Variants in EIF2AK4 observed in about 807,000 individuals in gnomAD.
EIF2AK4 encodes the protein eIF-2-alpha kinase GCN2.
In EIF2AK4, 139 loss-of-function variants were observed where a neutral mutation model predicts 211.1. The ratio of observed to expected loss-of-function variants is 0.66; its 90% CI spans 0.57 to 0.76. The LOEUF is 0.76. EIF2AK4 is among the 30% of genes least tolerant of loss of function. The pLI is 0.00. For synonymous variants in EIF2AK4, 710 were observed against 751.3 expected (o/e 0.94, Z 0.90); for missense variants, 1,664 against 2,043.8 (o/e 0.81, Z 3.58).
At chr15:40,022,881 C>G (rs1001941242) in intron 32 of EIF2AK4, among the ~76,000 whole-genome samples, 1 of 152,146 alleles carries the variant, frequency 6.6e-6, no homozygotes, top group African/African-American at 2.4e-5. Flanking sequence ...CTGCAGGTGC[C>G]CGCCACCACG....
intron 13 of EIF2AK4, among the ~76,000 whole-genome samples, chr15:39,982,708 C>G (rs184017697): frequency 2.6e-5 from 4 of 152,108 alleles, no homozygotes; most frequent in Admixed American, 6.5e-5. Context: ...TCCCCACCCC[C>G]TAACAGGCAA....
rs772536844 is a variant in EIF2AK4 at position 40,003,317 on chromosome 15, G to A, written c.3357+3G>A. ...TGATGCTTCCTTTTGACCTGCGGGT[G>A]AGGCTGGGAACACACTGCTGACAAT... On this transcript the variant is annotated splice_donor_region_variant and intron_variant, in intron 23 of 38. Coordinates refer to ENST00000263791, the MANE Select transcript of EIF2AK4 (RefSeq NM_001013703.4). 5.0e-6 allele frequency: 8 copies of A among 1,614,038 alleles called. No homozygotes were observed. The Admixed American group carries it at 1.2e-4, about 24-fold the overall frequency.
At chr15:40,006,361 C>T (rs1409147759) in intron 23 of EIF2AK4, among the ~76,000 whole-genome samples, 1 of 152,020 alleles carries the variant, frequency 6.6e-6, no homozygotes, top group South Asian at 2.1e-4. Context: ...ATACTTAAAG[C>T]TGGCTTCTTA....
intron 35 of EIF2AK4, 43 bp from the exon 36 acceptor site, chr15:40,032,126 G>A (rs537683226): frequency 1.4e-6 from 2 of 1,475,500 alleles, no homozygotes; most frequent in East Asian, 2.3e-5. Context: ...AAGAAAGATG[G>A]CTTGGTTTAA....
intron 13 of EIF2AK4, among the ~76,000 whole-genome samples, chr15:39,979,355 C>A (rs2034747519): frequency 6.6e-6 from 1 of 152,156 alleles, no homozygotes; most frequent in African/African-American, 2.4e-5. Context: ...GAAAAATGCA[C>A]ATGTGATAGA....
Position 40,004,217 on chromosome 15 carries a change from T to A in EIF2AK4, c.3357+903T>A, listed in dbSNP as rs186661652. On this transcript the variant is annotated intron_variant, in intron 23 of 38. Transcript: ENST00000263791. ...AAGTTTATAATAAAACTTTAAAAAT[T>A]TTGTTGCACATTCTTTATCCTTAGA... Among the ~76,000 whole-genome samples, 541 of 152,322 alleles carry A rather than the reference T, an allele frequency of 3.6e-3. 2 individuals carry two copies. The highest frequency in any genetic ancestry group is 5.2e-3 in the Non-Finnish European group (355 of 68,030).
chr15:39,991,663 T>C (rs1021131238), intron 16 of EIF2AK4: 1 of 154,008 alleles, frequency 6.5e-6, no homozygotes, highest in African/African-American at 2.4e-5. Flanking sequence ...GACATAACAA[T>C]AGTGACTTAG....
At chr15:39,971,325 A>T (rs1241927781) in intron 9 of EIF2AK4, among the ~76,000 whole-genome samples, 1 of 152,142 alleles carries the variant, frequency 6.6e-6, no homozygotes, top group Non-Finnish European at 1.5e-5. Flanking sequence ...GGAGTTCAAG[A>T]CCAGCCTGGC....
intron 8 of EIF2AK4, among the ~76,000 whole-genome samples, chr15:39,967,108 T>G (rs368503980): frequency 6.6e-6 from 1 of 152,322 alleles, no homozygotes; most frequent in South Asian, 2.1e-4. Context: ...TTAGCTAAAT[T>G]TTTTCCATCT....
intron 15 of EIF2AK4, 41 bp from the exon 16 acceptor site, chr15:39,990,232 C>T: frequency 1.3e-6 from 2 of 1,583,280 alleles, no homozygotes; most frequent in East Asian, 2.2e-5. Context: ...TAACTTTATG[C>T]ATGGAAAACC....
At chr15:39,992,285 A>C in intron 17 of EIF2AK4, 56 bp downstream of exon 17, 1 of 1,428,964 alleles carries the variant, frequency 7.0e-7, no homozygotes. Flanking sequence ...AGAATTTCTT[A>C]ACCTGAAACC....
chr15:39,957,384 A>G (rs1356550051), intron 6 of EIF2AK4, among the ~76,000 whole-genome samples: 1 of 152,032 alleles, frequency 6.6e-6, no homozygotes, highest in Non-Finnish European at 1.5e-5. Flanking sequence ...CAGCCTGGGC[A>G]ACAAACTCCT....
chr15:39,936,457 G>A (rs1163314382), intron 1 of EIF2AK4, among the ~76,000 whole-genome samples: 1 of 152,100 alleles, frequency 6.6e-6, no homozygotes, highest in East Asian at 1.9e-4. Flanking sequence ...CTGTCGCCCG[G>A]GCTGGAGTGC....
At chr15:39,984,018 T>G (rs569839691) in intron 13 of EIF2AK4, among the ~76,000 whole-genome samples, 38 of 152,242 alleles carry the variant, frequency 2.5e-4, no homozygotes, top group Non-Finnish European at 4.9e-4. Context: ...CATCTTGAGT[T>G]AATTTTTGTA....
At chr15:39,947,181 A>C (rs2034240622) in intron 3 of EIF2AK4, among the ~76,000 whole-genome samples, 1 of 152,248 alleles carries the variant, frequency 6.6e-6, no homozygotes, top group South Asian at 2.1e-4. Flanking sequence ...ATTCATTTCC[A>C]TTAAGTCTGG....
rs189498985 is a variant in EIF2AK4, at chr15:40,002,762, C to G, written c.3209C>G (p.Thr1070Ser). 1,304 of 1,614,186 alleles carry G rather than the reference C, an allele frequency of 8.1e-4. 1 individual carries two copies. Among genetic ancestry groups the G allele is most frequent in the Non-Finnish European group, 1.0e-3 (1,211 of 1,180,032 alleles). Residue 1070 changes from threonine to serine, a missense_variant, in exon 22 of 39, where the codon ACC (threonine) becomes AGC (serine). Transcript: ENST00000263791. ...TAKMQQHVCE[T>S]IIRIFKRHGA... ...AAGATGCAGCAGCATGTGTGTGAAACCATCATCCGCATCTTTAAAAGACAT... is the reference window on the plus strand; with the variant it reads ...AAGATGCAGCAGCATGTGTGTGAAAGCATCATCCGCATCTTTAAAAGACAT...
At chr15:40,016,434 A>G in intron 27 of EIF2AK4, 68 bp from the exon 28 acceptor site, 2 of 1,577,652 alleles carry the variant, frequency 1.3e-6, no homozygotes, top group Non-Finnish European at 1.7e-6. Context: ...GCAGGTGCAC[A>G]CAGTCGGTGC....
At chr15:40,032,320 CTCAG>C in intron 36 of EIF2AK4, 83 bp downstream of exon 36, 1 of 1,253,402 alleles carries the variant, frequency 8.0e-7, no homozygotes, top group Non-Finnish European at 1.2e-6. Flanking sequence ...AGCTTTTTTG[CTCAG>C]TGTCAGCAGA....
chr15:40,011,102 T>C (rs1567004257), intron 26 of EIF2AK4, among the ~76,000 whole-genome samples, 179 bp from the exon 27 acceptor site: 1 of 152,176 alleles, frequency 6.6e-6, no homozygotes, highest in Non-Finnish European at 1.5e-5. Context: ...ATAAGTTAAT[T>C]ACGGTTTTGT....
Sources: allele counts gnomAD v4.1 joint callset (sites outside exome capture counted in the v4.1 genomes callset), GRCh38; gene constraint gnomAD v4.1.1; transcripts MANE v1.5; gene names NCBI Gene and HGNC (gene_info 2026-07-23, HGNC 2026-07-21).